RGS18: variants seen among roughly 807,000 people sequenced by gnomAD.
The protein encoded by RGS18 is regulator of G-protein signaling 18.
Under a neutral mutation model 27.6 loss-of-function variants are expected in RGS18, and 22 were observed. The observed-to-expected ratio is 0.80, with a 90% confidence interval of 0.57 to 1.14. The LOEUF (loss-of-function observed/expected upper bound fraction) is 1.14, where lower values mean the gene tolerates loss of function less well. RGS18 is among the 50% of genes most tolerant of loss of function. RGS18 has a pLI of 0.00. For missense variants in RGS18, 299 were observed against 269.6 expected (o/e 1.11, Z -0.76); for synonymous variants, 89 against 84.6 (o/e 1.05, Z -0.29).
chr1:192,170,535 C>A (rs1285534553), intron 3 of RGS18, among the ~76,000 whole-genome samples: 7 of 151,968 alleles, frequency 4.6e-5, no homozygotes, highest in Non-Finnish European at 1.0e-4. Flanking sequence ...AATCTATGTT[C>A]TTTATAAATT....
At chr1:192,184,162 G>T in intron 4 of RGS18, 135 bp from the exon 5 acceptor site, 2 of 726,828 alleles carry the variant, frequency 2.8e-6, no homozygotes. Flanking sequence ...GTTTGGGCAG[G>T]CTACACACAT....
At chr1:192,162,348 G>T (rs1403540153) in intron 3 of RGS18, among the ~76,000 whole-genome samples, 3 of 152,008 alleles carry the variant, frequency 2.0e-5, no homozygotes, top group Non-Finnish European at 4.4e-5. Context: ...TTGCTCTGTA[G>T]CCTAGGCTGG....
chr1:192,185,305 G>A lies in RGS18; in HGVS notation c.*751G>A, dbSNP rs1044645868. 4.6e-5 allele frequency: 7 copies of A among 151,590 alleles called. No individual in the cohort carries two copies. The highest frequency in any genetic ancestry group is 1.5e-4 in the African/African-American group (6 of 41,332). The allele number at this position is 151,590 out of a possible 1,614,324, so 9.4% of individuals were successfully genotyped here. A position where few individuals can be genotyped will look rare whatever the true frequency, so the allele number is the denominator to read the frequency against. ...CCAGATTTTGCATATCTCCAGGTAG[G>A]GAACTAAGTAGACTACCTTATCACC... On this transcript the variant is annotated 3_prime_UTR_variant, in exon 5 of 5. Transcript: ENST00000367460.
intron 3 of RGS18, among the ~76,000 whole-genome samples, chr1:192,164,765 A>G (rs947586808): frequency 6.6e-6 from 1 of 152,164 alleles, no homozygotes; most frequent in African/African-American, 2.4e-5. Context: ...GACATTTATC[A>G]CTTCCCCAAT....
At chr1:192,165,000 AC>A (rs1173585266) in intron 3 of RGS18, among the ~76,000 whole-genome samples, 1 of 152,168 alleles carries the variant, frequency 6.6e-6, no homozygotes. Flanking sequence ...ATTAGGTCTG[AC>A]TGCCTGGGAC....
At position 192,181,267 on chromosome 1, in the gene RGS18, GTTATA is replaced by G; in HGVS notation, c.284-20_284-16del. 3.2e-6 allele frequency: 4 copies of G among 1,252,056 alleles called. No individual in the cohort carries two copies. Among genetic ancestry groups the G allele is most frequent in the South Asian group, 1.5e-5 (1 of 68,352 alleles). 77.6% of individuals were successfully genotyped at this position (1,252,056 alleles called of 1,614,324 possible). ...TTTCCAACATTAATACCATTTTATA[GTTATA>G]TTATTTATTTTCTTGATAGATGGAC... On this transcript the variant is annotated intron_variant, in intron 3 of 4. Transcript: ENST00000367460.
intron 3 of RGS18, chr1:192,168,406 A>G (rs1453891174): frequency 6.6e-6 from 1 of 152,158 alleles, no homozygotes; most frequent in Non-Finnish European, 1.5e-5. Context: ...TTAATGCATC[A>G]TGAGCACTCA....
In RGS18 at chr1:192,172,864, C is replaced by CATATATATATATATATAT. The variant is rs549568195; in HGVS notation, c.284-8426_284-8409dup. On this transcript the variant is annotated intron_variant, in intron 3 of 4. Transcript: ENST00000367460. ...ACAATGCCTTCCTGAGAAAAATATG[C>CATATATATATATATATAT]ATATATATATATATATATAAATATA... Among the ~76,000 whole-genome samples the CATATATATATATATATAT allele has an allele frequency of 7.2e-4, 98 of 135,522 alleles. 1 individual carries two copies. The highest frequency in any genetic ancestry group is 3.1e-3 in the East Asian group (13 of 4,254). 88.9% of individuals were successfully genotyped at this position (135,522 alleles called of 152,430 possible). A position where few individuals can be genotyped will look rare whatever the true frequency, so the allele number is the denominator to read the frequency against.
chr1:192,172,374 CCT>C (rs1656275320), intron 3 of RGS18, among the ~76,000 whole-genome samples: 1 of 151,892 alleles, frequency 6.6e-6, no homozygotes, highest in Non-Finnish European at 1.5e-5. Context: ...GGGTTTGATC[CCT>C]CTCTGCACAT....
At chr1:192,169,984 T>C (rs1054776372) in intron 3 of RGS18, among the ~76,000 whole-genome samples, 1 of 152,164 alleles carries the variant, frequency 6.6e-6, no homozygotes, top group Non-Finnish European at 1.5e-5. Context: ...AGGTGGTAAA[T>C]AGCTGGTTTC....
At chr1:192,165,130 C>T (rs548068785) in intron 3 of RGS18, among the ~76,000 whole-genome samples, 16 of 152,132 alleles carry the variant, frequency 1.1e-4, no homozygotes, top group East Asian at 3.9e-4. Context: ...ATGGATTCCC[C>T]GGGGAGGCCT....
chr1:192,164,139 CTGATTATT>C (rs1156599297), intron 3 of RGS18, among the ~76,000 whole-genome samples: 2 of 151,848 alleles, frequency 1.3e-5, no homozygotes, highest in African/African-American at 4.8e-5. Flanking sequence ...CCATCATAAA[CTGATTATT>C]AGCAGTTTTA....
intron 3 of RGS18, among the ~76,000 whole-genome samples, chr1:192,174,098 C>T (rs967236573): frequency 2.0e-5 from 3 of 151,452 alleles, no homozygotes; most frequent in African/African-American, 7.3e-5. Flanking sequence ...AATTTTTGAT[C>T]TGCTGTACTT....
chr1:192,164,445 G>A (rs890251280), intron 3 of RGS18, among the ~76,000 whole-genome samples: 3 of 151,926 alleles, frequency 2.0e-5, no homozygotes, highest in Non-Finnish European at 4.4e-5. Context: ...ATGATTCAGG[G>A]AGGTGTTCTG....
chr1:192,184,717 G>A lies in RGS18; in HGVS notation c.*163G>A, dbSNP rs1656516484. On this transcript the variant is annotated 3_prime_UTR_variant, in exon 5 of 5. Transcript: ENST00000367460. ...ACTTTCTGCTAACAAAATACATACA[G>A]TATCTGCCAGTATATTCTGTAAAAC... 1.6e-6 allele frequency: 1 copy of A among 614,370 alleles called. No homozygotes were observed. The highest frequency in any genetic ancestry group is 2.8e-6 in the Non-Finnish European group (1 of 353,750). The allele number at this position is 614,370 out of a possible 1,614,324, so 38.1% of individuals were successfully genotyped here.
chr1:192,184,226 C>A (rs1361591644), intron 4 of RGS18, 71 bp from the exon 5 acceptor site: 2 of 1,400,724 alleles, frequency 1.4e-6, no homozygotes, highest in African/African-American at 1.4e-5. Context: ...TTGCATCAGT[C>A]CTGTGCTGTT....
chr1:192,177,419 G>A (rs1656376528), intron 3 of RGS18, among the ~76,000 whole-genome samples: 1 of 150,890 alleles, frequency 6.6e-6, no homozygotes, highest in East Asian at 2.0e-4. Context: ...TCAATTATTT[G>A]TTGATAATTT....
Position 192,160,368 on chromosome 1 carries a change from T to A in RGS18, c.222-10T>A, listed in dbSNP as rs765149481. ...ACACTCCATTATAAAACATTTTGTT[T>A]CTTGTACAGAGTCTCCCCTGAAGAG... On this transcript the variant is annotated splice_polypyrimidine_tract_variant and intron_variant, in intron 2 of 4. Transcript: ENST00000367460. 6.2e-7 allele frequency: 1 copy of A among 1,601,560 alleles called. No homozygotes were observed. The highest frequency in any genetic ancestry group is 2.2e-5 in the East Asian group (1 of 44,692).
In RGS18 at chr1:192,160,379, G is replaced by A. The variant is rs1656049295; in HGVS notation, c.223G>A (p.Val75Ile). 15 of 1,608,878 alleles carry A rather than the reference G, an allele frequency of 9.3e-6. No individual in the cohort carries two copies. Among genetic ancestry groups the A allele is most frequent in the Non-Finnish European group, 1.3e-5 (15 of 1,175,696 alleles). The change falls in exon 3 of 5, where the codon GTC (valine) becomes ATC (isoleucine). Residue 75 changes from valine to isoleucine, a missense_variant and splice_region_variant. Val to Ile is a conservative substitution (Grantham distance 29). Coordinates refer to ENST00000367460, the MANE Select transcript of RGS18 (RefSeq NM_130782.3). ...TAAAACATTTTGTTTCTTGTACAGA[G>A]TCTCCCCTGAAGAGGCAGTGAAATG... is the stretch of plus-strand genomic sequence containing the variant. ...RSGHLAKETR[V>I]SPEEAVKWGE...
Sources: gnomAD v4.1 joint callset for allele counts (sites outside exome capture counted in the v4.1 genomes callset) on GRCh38, gnomAD v4.1.1 for gene constraint, MANE v1.5 for transcripts, NCBI Gene and HGNC (gene_info 2026-07-23, HGNC 2026-07-21) for gene names.